The following KAT8 variants were observed in gnomAD, a reference collection of about 807,000 sequenced individuals.
KAT8 encodes lysine acetyltransferase 8.
A neutral mutation model predicts 62.9 loss-of-function variants in KAT8; 40 were observed. The ratio of observed to expected loss-of-function variants is 0.64; its 90% CI spans 0.49 to 0.83. The LOEUF is 0.83. KAT8 is among the 40% of genes least tolerant of loss of function. KAT8 has a pLI of 0.00. For synonymous variants in KAT8, 278 were observed against 254.5 expected, an observed-to-expected ratio of 1.09 and a Z score of -0.88; for missense variants, 387 against 614.8, an observed-to-expected ratio of 0.63 and a Z score of 3.92.
chr16:31,129,453 C>T (rs948865719), intron 6 of KAT8, among the ~76,000 whole-genome samples: 4 of 152,134 alleles, frequency 2.6e-5, no homozygotes, highest in South Asian at 2.1e-4. Context: ...GTGCTGGGCT[C>T]GCACAGCTGC....
rs779966275 is a variant in KAT8, at chr16:31,128,134, C to T, written c.766C>T (p.His256Tyr). 6.8e-6 allele frequency: 11 copies of T among 1,613,430 alleles called. No homozygotes were observed. The highest frequency in any genetic ancestry group is 9.3e-6 in the Non-Finnish European group (11 of 1,179,662). The change falls in exon 6 of 11, where the codon CAT becomes TAT. Residue 256 changes from histidine (H) to tyrosine (Y), a missense_variant. His to Tyr is a moderately conservative substitution (Grantham distance 83). Around this residue, in one of 6 missense-constraint regions of KAT8, gnomAD observed 141 missense variants for 222.5 expected, o/e 0.63. Transcript: ENST00000219797. ...ISVYEVDGKD[H>Y]KIYCQNLCLL... is the part of the protein sequence containing the mutation. ...CGTGTACGAAGTTGATGGCAAAGAC[C>T]ATAAGGTGAGTGGGTGGCCAGGGGT...
chr16:31,127,026 C>G lies in KAT8; in HGVS notation c.463-9C>G. On this transcript the variant is annotated splice_polypyrimidine_tract_variant and intron_variant, in intron 3 of 10. Coordinates refer to ENST00000219797, the MANE Select transcript of KAT8 (RefSeq NM_032188.3). ...GTTCACCTCTGCCCACTTTTCTTTC[C>G]TGGCCCAGACTTATGCAGAGATGGA... is the stretch of plus-strand genomic sequence containing the variant. 1 of 1,614,216 alleles carries G rather than the reference C, an allele frequency of 6.2e-7. No homozygotes were observed. The highest frequency in any genetic ancestry group is 1.1e-5 in the South Asian group (1 of 91,088).
chr16:31,121,042 A>G (rs181147142), intron 3 of KAT8: 1 of 154,048 alleles, frequency 6.5e-6, no homozygotes, highest in East Asian at 1.9e-4. Flanking sequence ...ATAATGCCAA[A>G]CACTTGTTAG....
Position 31,125,637 on chromosome 16 carries a change from CTATG to C in KAT8, c.463-1395_463-1392del, listed in dbSNP as rs1210028773. 3 of 149,518 alleles carry C rather than the reference CTATG, an allele frequency of 2.0e-5. No individual in the cohort carries two copies. In the South Asian group the frequency reaches 6.5e-4, roughly 32 times the overall value. The allele number at this position is 149,518 out of a possible 1,614,324, so 9.3% of individuals were successfully genotyped here. ...AAAAAAAAAAAAAAGAAATAACACT[CTATG>C]TAAGGGTTACTGAAAGGATTAAATG... On this transcript the variant is annotated intron_variant, in intron 3 of 10. Transcript: ENST00000219797.
chr16:31,117,967 T>A, intron 1 of KAT8, 75 bp downstream of exon 1: 1 of 1,114,038 alleles, frequency 9.0e-7, no homozygotes, highest in Non-Finnish European at 1.2e-6. Flanking sequence ...GAGGACAGGC[T>A]GTCAGTGAGG....
chr16:31,128,283 C>T (rs1175142286), intron 6 of KAT8, 144 bp downstream of exon 6: 3 of 663,738 alleles, frequency 4.5e-6, no homozygotes. Context: ...CACTGCAGCT[C>T]ACACCTGTAA....
At chr16:31,121,085 TTGTGTGTGTGTGTGTGTG>T (rs56324914) in intron 3 of KAT8, 2 of 143,060 alleles carry the variant, frequency 1.4e-5, no homozygotes, top group East Asian at 2.1e-4. Flanking sequence ...TAAATGGTTT[TTGTGTGTGTGTGTGTGTG>T]TGTGTGTGTG....
At chr16:31,118,320 C>T (rs569951191) in intron 1 of KAT8, 1 of 159,832 alleles carries the variant, frequency 6.3e-6, no homozygotes, top group African/African-American at 2.4e-5. Context: ...TGCCTTCTCT[C>T]ATTTTCAAAA....
At chr16:31,125,320 G>T (rs1163295798) in intron 3 of KAT8, among the ~76,000 whole-genome samples, 1 of 151,778 alleles carries the variant, frequency 6.6e-6, no homozygotes, top group African/African-American at 2.4e-5. Flanking sequence ...TTGAAATAAC[G>T]CAGCTGGGTG....
chr16:31,120,107 G>C, intron 1 of KAT8, 79 bp from the exon 2 acceptor site: 1 of 1,222,028 alleles, frequency 8.2e-7, no homozygotes, highest in East Asian at 2.3e-5. Context: ...CCTGAACTCT[G>C]GAAACTGCTT....
intron 9 of KAT8, 70 bp downstream of exon 9, chr16:31,130,676 C>T: frequency 8.7e-6 from 14 of 1,610,282 alleles, no homozygotes; most frequent in Non-Finnish European, 1.1e-5. Flanking sequence ...CTTCCTCATA[C>T]CCTGTCACCA....
In KAT8 at chr16:31,130,747, C is replaced by T; in HGVS notation, c.1159C>T (p.Gln387Ter). 6.2e-7 allele frequency: 1 copy of T among 1,613,620 alleles called. No homozygotes were observed. The highest frequency in any genetic ancestry group is 8.5e-7 in the Non-Finnish European group (1 of 1,179,822). ...ATTTGCTCTCATCCCTTTTTGCAGC[C>T]AGATGACCAGTATCACCCAAAATGA... Reference protein sequence around the residue: ...RGTLSIKDLSQMTSITQNDII... With the variant: ...RGTLSIKDLS The change falls in exon 10 of 11, where the codon CAG becomes TAG. Residue 387 changes from glutamine (Q) to a stop codon, truncating the protein, a stop_gained and splice_region_variant. Coordinates refer to ENST00000219797, the MANE Select transcript of KAT8 (RefSeq NM_032188.3). LOFTEE classifies it high-confidence loss of function.
chr16:31,130,065 A>G lies in KAT8; in HGVS notation c.820A>G (p.Lys274Glu). 6.2e-7 allele frequency: 1 copy of G among 1,613,992 alleles called. No homozygotes were observed. The highest frequency in any genetic ancestry group is 8.5e-7 in the Non-Finnish European group (1 of 1,179,974). ...CLLAKLFLDH[K>E]TLYFDVEPFV... ...GCTGGCCAAGCTTTTCCTGGACCATAAGACACTGTACTTTGACGTGGAGCC... is the reference window on the plus strand; with the variant it reads ...GCTGGCCAAGCTTTTCCTGGACCATGAGACACTGTACTTTGACGTGGAGCC... The change falls in exon 7 of 11, where the codon AAG (lysine) becomes GAG (glutamate). Residue 274 changes from lysine to glutamate, a missense_variant. Physicochemically the swap from Lys to Glu is moderately conservative, Grantham distance 56. Around this residue, in one of 6 missense-constraint regions of KAT8, gnomAD observed 141 missense variants for 222.5 expected, o/e 0.63. Transcript: ENST00000219797.
At position 31,130,619 on chromosome 16, in the gene KAT8, C is replaced by T; in HGVS notation, c.1157+13C>T. 2.5e-6 allele frequency: 4 copies of T among 1,613,742 alleles called. No individual in the cohort carries two copies. The highest frequency in any genetic ancestry group is 3.4e-6 in the Non-Finnish European group (4 of 1,179,790). ...TCAAGGACCTCAGGTGAGGGGGCCT[C>T]CCGGGCCCTGGGGGCAGGACTTGCC... On this transcript the variant is annotated intron_variant, in intron 9 of 10. Coordinates refer to ENST00000219797, the MANE Select transcript of KAT8 (RefSeq NM_032188.3).
Position 31,120,176 on chromosome 16 carries a change from T to A in KAT8, c.212-10T>A, listed in dbSNP as rs548451579. ...ACCTTCCTGATGACCCTAGCCTTTT[T>A]CCATCACAGATTCTGCTGAAGTGAT... On this transcript the variant is annotated splice_polypyrimidine_tract_variant and intron_variant, in intron 1 of 10. Coordinates refer to ENST00000219797, the MANE Select transcript of KAT8 (RefSeq NM_032188.3). 4.3e-6 allele frequency: 7 copies of A among 1,613,314 alleles called. No homozygotes were observed. The highest frequency in any genetic ancestry group is 5.9e-6 in the Non-Finnish European group (7 of 1,179,366).
At chr16:31,127,460 C>T in intron 5 of KAT8, 107 bp downstream of exon 5, 1 of 1,161,288 alleles carries the variant, frequency 8.6e-7, no homozygotes, top group Non-Finnish European at 1.2e-6. Flanking sequence ...AGGAGACAGG[C>T]CCAAAGGAGC....
intron 3 of KAT8, among the ~76,000 whole-genome samples, chr16:31,122,042 C>T (rs774977954): frequency 1.3e-5 from 2 of 152,190 alleles, no homozygotes; most frequent in African/African-American, 2.4e-5. Context: ...TGAGCCACTG[C>T]GCCCGACCAA....
At chr16:31,120,085 C>A in intron 1 of KAT8, 101 bp from the exon 2 acceptor site, 1 of 906,820 alleles carries the variant, frequency 1.1e-6, no homozygotes, top group Non-Finnish European at 1.8e-6. Flanking sequence ...GTGAGGTTAG[C>A]TGATGTGTGG....
intron 3 of KAT8, among the ~76,000 whole-genome samples, chr16:31,125,065 A>G (rs750104994): frequency 2.6e-5 from 4 of 152,022 alleles, no homozygotes; most frequent in Non-Finnish European, 5.9e-5. Context: ...GGTAGCAGGC[A>G]CATGTAGTCT....
Sources: gnomAD v4.1 joint callset for allele counts (sites outside exome capture counted in the v4.1 genomes callset) on GRCh38, gnomAD v4.1.1 for gene constraint, gnomAD v4.1.1 regional missense constraint, MANE v1.5 for transcripts, NCBI Gene and HGNC (gene_info 2026-07-23, HGNC 2026-07-21) for gene names.